Variants in CDH10 observed in about 807,000 individuals in gnomAD.
CDH10 encodes cadherin-10.
CDH10 carries 30 observed loss-of-function variants against 73.1 expected under a neutral mutation model. That is an observed-to-expected ratio of 0.41 (90% CI 0.31 to 0.56). The LOEUF (loss-of-function observed/expected upper bound fraction) is 0.56. Ranked by LOEUF, CDH10 falls within the 20% of genes least tolerant of loss-of-function variation. The pLI, the probability that CDH10 is intolerant of heterozygous loss-of-function variation, is 0.27. For missense variants in CDH10, 815 were observed against 973.7 expected (o/e 0.84, Z 2.17); for synonymous variants, 345 against 348.2 (o/e 0.99, Z 0.10).
At chr5:24,566,366 T>C (rs1384019728) in intron 2 of CDH10, among the ~76,000 whole-genome samples, 1 of 152,170 alleles carries the variant, frequency 6.6e-6, no homozygotes, top group Non-Finnish European at 1.5e-5. Flanking sequence ...GTTTTAAATA[T>C]ATTTTTGGTA....
chr5:24,493,504 T>A (rs566430329), intron 9 of CDH10, among the ~76,000 whole-genome samples: 1 of 151,982 alleles, frequency 6.6e-6, no homozygotes, highest in Non-Finnish European at 1.5e-5. Context: ...TGATTGATTT[T>A]ACGGTAGGAG....
chr5:24,620,063 C>T (rs1483026154), intron 1 of CDH10, among the ~76,000 whole-genome samples: 1 of 152,200 alleles, frequency 6.6e-6, no homozygotes, highest in Non-Finnish European at 1.5e-5. Context: ...TATATATTTA[C>T]ACACATCAGA....
intron 2 of CDH10, among the ~76,000 whole-genome samples, chr5:24,549,233 G>A (rs1744458440): frequency 6.6e-6 from 1 of 152,090 alleles, no homozygotes; most frequent in Non-Finnish European, 1.5e-5. Flanking sequence ...AAAGCTGCAA[G>A]ACATGAAATC....
At chr5:24,604,311 C>T (rs887744893) in intron 1 of CDH10, among the ~76,000 whole-genome samples, 4 of 152,060 alleles carry the variant, frequency 2.6e-5, no homozygotes, top group Non-Finnish European at 5.9e-5. Flanking sequence ...CATGTAATTG[C>T]CCTCCAGCCT....
chr5:24,550,367 A>G (rs1744501352), intron 2 of CDH10, among the ~76,000 whole-genome samples: 1 of 152,142 alleles, frequency 6.6e-6, no homozygotes, highest in African/African-American at 2.4e-5. Context: ...AGGCTTATAC[A>G]TCTGGCTATA....
At chr5:24,581,707 C>T (rs1301469157) in intron 2 of CDH10, among the ~76,000 whole-genome samples, 3 of 152,078 alleles carry the variant, frequency 2.0e-5, no homozygotes, top group Non-Finnish European at 4.4e-5. Context: ...TGAAAAACTT[C>T]AATACGTGGT....
intron 1 of CDH10, among the ~76,000 whole-genome samples, chr5:24,623,541 A>T (rs1747388634): frequency 6.6e-6 from 1 of 152,226 alleles, no homozygotes. Flanking sequence ...AACATATGTA[A>T]TTGGAAAATG....
intron 2 of CDH10, among the ~76,000 whole-genome samples, chr5:24,563,459 A>AAC (rs1745035294): frequency 6.6e-6 from 1 of 150,566 alleles, no homozygotes; most frequent in Non-Finnish European, 1.5e-5. Context: ...CTTAAAAAAA[A>AAC]AAAACTATGT....
At chr5:24,608,214 T>C (rs1448031732) in intron 1 of CDH10, among the ~76,000 whole-genome samples, 2 of 152,190 alleles carry the variant, frequency 1.3e-5, no homozygotes, top group African/African-American at 4.8e-5. Flanking sequence ...AATCGAGTCA[T>C]CTTCTATGAC....
chr5:24,618,983 A>T (rs557670776), intron 1 of CDH10, among the ~76,000 whole-genome samples: 31 of 152,314 alleles, frequency 2.0e-4, no homozygotes, highest in African/African-American at 7.5e-4. Context: ...TCATTGAGTC[A>T]TATACTAAAG....
chr5:24,535,991 ACT>A (rs748407950), intron 3 of CDH10, among the ~76,000 whole-genome samples, 169 bp from the exon 4 acceptor site: 71 of 152,188 alleles, frequency 4.7e-4, no homozygotes, highest in African/African-American at 1.3e-3. Flanking sequence ...TTACAGGTAA[ACT>A]CTGAGTTCAA....
At chr5:24,596,262 C>T (rs1247781722) in intron 1 of CDH10, among the ~76,000 whole-genome samples, 1 of 151,890 alleles carries the variant, frequency 6.6e-6, no homozygotes, top group African/African-American at 2.4e-5. Flanking sequence ...AGTAACCTAA[C>T]CCAAATTACA....
chr5:24,609,952 G>A (rs1174842142), intron 1 of CDH10: 1 of 152,226 alleles, frequency 6.6e-6, no homozygotes, highest in African/African-American at 2.4e-5. Context: ...ACAGCATCTG[G>A]TCACCATTAC....
intron 1 of CDH10, among the ~76,000 whole-genome samples, chr5:24,640,222 G>A (rs1046558511): frequency 2.5e-4 from 38 of 151,578 alleles, no homozygotes; most frequent in African/African-American, 7.0e-4. Flanking sequence ...AAGGAGTTTT[G>A]TAATTGTTTT....
Position 24,537,658 on chromosome 5 carries a change from T to C in CDH10, c.248A>G (p.Asp83Gly). The change falls in exon 3 of 12, where the codon GAT becomes GGT. Residue 83 changes from aspartate (D) to glycine (G), a missense_variant. By Grantham distance (94) the Asp-to-Gly change is moderately conservative. Coordinates refer to ENST00000264463, the MANE Select transcript of CDH10 (RefSeq NM_006727.5). ...QYVGKLHSDQDKGDGSLKYIL... is the reference protein window; with the variant it reads ...QYVGKLHSDQGKGDGSLKYIL... ...ATATTTGAGTGATCCATCTCCTTTA[T>C]CTTGGTCTGAATGTAGCTAGGGGAA... 1 of 1,595,352 alleles carries C rather than the reference T, an allele frequency of 6.3e-7. No individual in the cohort carries two copies. The highest frequency in any genetic ancestry group is 8.6e-7 in the Non-Finnish European group (1 of 1,164,914).
At chr5:24,630,176 G>A (rs573992188) in intron 1 of CDH10, among the ~76,000 whole-genome samples, 3 of 152,176 alleles carry the variant, frequency 2.0e-5, no homozygotes, top group Admixed American at 6.5e-5. Flanking sequence ...GATGATGATC[G>A]ACAGTAAAGA....
intron 5 of CDH10, among the ~76,000 whole-genome samples, chr5:24,531,679 C>T (rs141055603): frequency 9.0e-4 from 137 of 152,146 alleles, no homozygotes; most frequent in African/African-American, 3.2e-3. Context: ...AGACCACCCC[C>T]GTGATTCAGT....
At chr5:24,612,632 T>C (rs1404470173) in intron 1 of CDH10, 1 of 151,738 alleles carries the variant, frequency 6.6e-6, no homozygotes, top group Non-Finnish European at 1.5e-5. Context: ...GGGGTAAAAC[T>C]ACAGAAACAC....
At chr5:24,511,542 A>C in intron 5 of CDH10, 28 bp from the exon 6 acceptor site, 1 of 962,004 alleles carries the variant, frequency 1.0e-6, no homozygotes, top group South Asian at 1.6e-5. Flanking sequence ...AAGAAGAGAG[A>C]GACAGAGAGA....
Sources: gnomAD v4.1 joint callset for allele counts (sites outside exome capture counted in the v4.1 genomes callset) on GRCh38, gnomAD v4.1.1 for gene constraint, MANE v1.5 for transcripts, NCBI Gene and HGNC (gene_info 2026-07-23, HGNC 2026-07-21) for gene names.